HACE1: variants seen among roughly 807,000 people sequenced by gnomAD.
The protein encoded by HACE1 is E3 ubiquitin-protein ligase HACE1.
In HACE1, 73 loss-of-function variants were observed where a neutral mutation model predicts 118.4. The ratio of observed to expected loss-of-function variants is 0.62; its 90% CI spans 0.51 to 0.75. The LOEUF (loss-of-function observed/expected upper bound fraction) is 0.75. Among genes scored for constraint, HACE1 ranks in the 30% least tolerant of loss-of-function variants. The pLI is 0.00. For missense variants in HACE1, 749 were observed against 1,102.2 expected (o/e 0.68, Z 4.54); for synonymous variants, 368 against 374.8 (o/e 0.98, Z 0.21).
chr6:104,781,982 C>T (rs1343023851), intron 14 of HACE1, among the ~76,000 whole-genome samples: 1 of 152,134 alleles, frequency 6.6e-6, no homozygotes, highest in Non-Finnish European at 1.5e-5. Flanking sequence ...AAGTAAAAAG[C>T]AGAGACAGTA....
At chr6:104,769,961 A>G (rs1780436734) in intron 19 of HACE1, among the ~76,000 whole-genome samples, 1 of 152,174 alleles carries the variant, frequency 6.6e-6, no homozygotes, top group Non-Finnish European at 1.5e-5. Flanking sequence ...ATAGAAAACT[A>G]CCCAATACAA....
At position 104,815,820 on chromosome 6, in the gene HACE1, C is replaced by A. The variant is rs1374335326; in HGVS notation, c.535-4427G>T. ...AGGCACAGTGGCTCACGCCTGTAAT[C>A]CCAGCACTTTGGGAGGCTGAGGCGG... On this transcript the variant is annotated intron_variant, in intron 6 of 23. Transcript: ENST00000262903. 1.9e-5 allele frequency among the ~76,000 whole-genome samples: 2 copies of A among 102,668 alleles called. 1 individual carries two copies. The highest frequency in any genetic ancestry group is 5.8e-4 in the East Asian group (2 of 3,446). 67.4% of individuals were successfully genotyped at this position (102,668 alleles called of 152,430 possible). A position where few individuals can be genotyped will look rare whatever the true frequency, so the allele number is the denominator to read the frequency against.
At chr6:104,763,132 A>T (rs1348161565) in intron 19 of HACE1, among the ~76,000 whole-genome samples, 5 of 152,174 alleles carry the variant, frequency 3.3e-5, no homozygotes, top group African/African-American at 9.6e-5. Context: ...TATACTATCT[A>T]AAATGCAAGG....
intron 7 of HACE1, among the ~76,000 whole-genome samples, chr6:104,801,311 G>A (rs1336384269): frequency 6.6e-6 from 1 of 152,138 alleles, no homozygotes; most frequent in African/African-American, 2.4e-5. Context: ...TTATCCAGGA[G>A]GACTTCCCCA....
At chr6:104,854,796 G>A (rs1776562720) in intron 1 of HACE1, among the ~76,000 whole-genome samples, 1 of 152,012 alleles carries the variant, frequency 6.6e-6, no homozygotes, top group African/African-American at 2.4e-5. Flanking sequence ...TATTTATAGG[G>A]GAAATGGAAA....
At chr6:104,780,167 T>G (rs1781579673) in intron 14 of HACE1, among the ~76,000 whole-genome samples, 1 of 152,156 alleles carries the variant, frequency 6.6e-6, no homozygotes, top group Non-Finnish European at 1.5e-5. Flanking sequence ...GATATTAAAC[T>G]ATATCATTTA....
chr6:104,814,248 T>C (rs1426871401), intron 6 of HACE1, among the ~76,000 whole-genome samples: 6 of 137,270 alleles, frequency 4.4e-5, no homozygotes, highest in Non-Finnish European at 9.4e-5. Flanking sequence ...GTCTATTAAA[T>C]CAAAAGACCT....
chr6:104,776,152 C>G (rs529449155), intron 17 of HACE1, among the ~76,000 whole-genome samples: 1 of 152,168 alleles, frequency 6.6e-6, no homozygotes, highest in South Asian at 2.1e-4. Context: ...TCAATAAGAG[C>G]TTTATAGTAG....
intron 19 of HACE1, 110 bp downstream of exon 19, chr6:104,771,083 T>C: frequency 1.3e-6 from 1 of 762,880 alleles, no homozygotes; most frequent in South Asian, 1.4e-5. Flanking sequence ...TCTGCTATGA[T>C]ACTGTAATAG....
intron 6 of HACE1, among the ~76,000 whole-genome samples, chr6:104,826,521 T>G (rs532553391): frequency 1.1e-4 from 17 of 152,338 alleles, no homozygotes; most frequent in South Asian, 2.1e-4. Context: ...CTATAAGCCA[T>G]GAAGTCCAAA....
chr6:104,856,731 G>A (rs1313314446), intron 1 of HACE1, among the ~76,000 whole-genome samples: 1 of 151,924 alleles, frequency 6.6e-6, no homozygotes, highest in Non-Finnish European at 1.5e-5. Context: ...CACTGCGCCC[G>A]GCCTCCAACT....
chr6:104,822,659 C>A (rs550003389), intron 6 of HACE1, among the ~76,000 whole-genome samples: 1 of 152,026 alleles, frequency 6.6e-6, no homozygotes, highest in African/African-American at 2.4e-5. Context: ...GAGTTCAAGA[C>A]CAGCCTGGCC....
chr6:104,846,934 G>C (rs1432432455), intron 4 of HACE1, among the ~76,000 whole-genome samples: 14 of 152,226 alleles, frequency 9.2e-5, no homozygotes, highest in African/African-American at 2.4e-5. Flanking sequence ...AAATTAAAGA[G>C]AGGGTCATGA....
chr6:104,781,369 G>C (rs1781728340), intron 14 of HACE1, among the ~76,000 whole-genome samples: 1 of 152,090 alleles, frequency 6.6e-6, no homozygotes, highest in African/African-American at 2.4e-5. Context: ...ATAAGATGTT[G>C]CAGGCTTATT....
intron 6 of HACE1, among the ~76,000 whole-genome samples, chr6:104,823,546 G>C (rs1773005479): frequency 1.3e-5 from 2 of 151,242 alleles, no homozygotes; most frequent in Non-Finnish European, 2.9e-5. Flanking sequence ...CTCAAAATAT[G>C]CAACTATTAA....
chr6:104,760,121 A>G (rs534008300), intron 19 of HACE1, among the ~76,000 whole-genome samples: 14 of 152,336 alleles, frequency 9.2e-5, no homozygotes, highest in African/African-American at 2.9e-4. Flanking sequence ...CCAGAGGTAC[A>G]AAGAGGAGCT....
At chr6:104,773,590 T>A (rs1185229460) in intron 17 of HACE1, among the ~76,000 whole-genome samples, 2 of 152,154 alleles carry the variant, frequency 1.3e-5, no homozygotes, top group African/African-American at 4.8e-5. Flanking sequence ...CCCAAAAATA[T>A]AATATTCTGA....
Position 104,840,924 on chromosome 6 carries a change from T to C in HACE1, c.402+2299A>G, listed in dbSNP as rs995548573. On this transcript the variant is annotated intron_variant, in intron 5 of 23. Coordinates refer to ENST00000262903, the MANE Select transcript of HACE1 (RefSeq NM_020771.4). ...GGTGCAGTGAGCCAAGACAGCACCA[T>C]TGCACTCCAGCCTGGGCAACAAGAG... Among the ~76,000 whole-genome samples, 5 of 152,058 alleles carry C rather than the reference T, an allele frequency of 3.3e-5. No homozygotes were observed. The East Asian group carries it at 5.8e-4, about 18-fold the overall frequency.
At chr6:104,741,483 T>G (rs1379671965) in intron 22 of HACE1, among the ~76,000 whole-genome samples, 12 of 141,502 alleles carry the variant, frequency 8.5e-5, no homozygotes, top group African/African-American at 2.8e-4. Flanking sequence ...AAAATCAATG[T>G]GCAAAAATCA....
Sources: allele counts gnomAD v4.1 joint callset (sites outside exome capture counted in the v4.1 genomes callset), GRCh38; gene constraint gnomAD v4.1.1; transcripts MANE v1.5; gene names NCBI Gene and HGNC (gene_info 2026-07-23, HGNC 2026-07-21).